GLCCI1: variants seen among roughly 807,000 people sequenced by gnomAD.
GLCCI1 encodes the protein glucocorticoid-induced transcript 1 protein.
In GLCCI1, 24 loss-of-function variants were observed where a neutral mutation model predicts 52.2. That is an observed-to-expected ratio of 0.46 (90% confidence interval 0.33 to 0.65). The LOEUF is 0.65. Among genes scored for constraint, GLCCI1 ranks in the 30% least tolerant of loss-of-function variants. The pLI, the probability that GLCCI1 is intolerant of heterozygous loss-of-function variation, is 0.02. For missense variants in GLCCI1, 704 were observed against 701.5 expected, an observed-to-expected ratio of 1.00 and a Z score of -0.04; for synonymous variants, 310 against 276.5, an observed-to-expected ratio of 1.12 and a Z score of -1.20.
At chr7:8,047,923 T>G (rs2127956754) in intron 3 of GLCCI1, among the ~76,000 whole-genome samples, 1 of 152,302 alleles carries the variant, frequency 6.6e-6, no homozygotes, top group East Asian at 1.9e-4. Flanking sequence ...TACAGCTACT[T>G]CCCTTCTCCC....
At chr7:8,082,893 G>GTGAT (rs1233400709) in intron 6 of GLCCI1, among the ~76,000 whole-genome samples, 1 of 152,204 alleles carries the variant, frequency 6.6e-6, no homozygotes, top group African/African-American at 2.4e-5. Flanking sequence ...CTGAAAGAAT[G>GTGAT]TGATAGGCCT....
intron 1 of GLCCI1, among the ~76,000 whole-genome samples, chr7:7,972,750 A>T (rs1435440644): frequency 6.6e-6 from 1 of 152,104 alleles, no homozygotes; most frequent in Non-Finnish European, 1.5e-5. Flanking sequence ...GGAATAGTCA[A>T]TTTTAATATT....
chr7:7,991,324 C>A (rs1013544664), intron 1 of GLCCI1, among the ~76,000 whole-genome samples: 2 of 152,020 alleles, frequency 1.3e-5, no homozygotes, highest in Non-Finnish European at 2.9e-5. Flanking sequence ...ATGAGAAGGG[C>A]TATTCACTTG....
chr7:8,014,878 T>TTA (rs1781344793), intron 2 of GLCCI1, among the ~76,000 whole-genome samples: 1 of 152,202 alleles, frequency 6.6e-6, no homozygotes, highest in Admixed American at 6.5e-5. Flanking sequence ...GATGGTATTA[T>TTA]TATATTTGGT....
At chr7:8,072,258 C>A (rs1782779070) in intron 6 of GLCCI1, among the ~76,000 whole-genome samples, 1 of 152,162 alleles carries the variant, frequency 6.6e-6, no homozygotes, top group East Asian at 1.9e-4. Context: ...TGTCTGACTT[C>A]TTTTACTTAT....
At chr7:8,081,504 A>T (rs976770410) in intron 6 of GLCCI1, among the ~76,000 whole-genome samples, 1 of 152,200 alleles carries the variant, frequency 6.6e-6, no homozygotes, top group Non-Finnish European at 1.5e-5. Context: ...TATTTTTGAG[A>T]CAGGGTCTCA....
At chr7:8,041,551 C>T (rs1462876729) in intron 3 of GLCCI1, among the ~76,000 whole-genome samples, 1 of 152,180 alleles carries the variant, frequency 6.6e-6, no homozygotes, top group East Asian at 1.9e-4. Flanking sequence ...TGATGCCTGG[C>T]TTCAAAGCTT....
rs142051692 is a variant in GLCCI1, at chr7:8,059,347, A to G, written c.814-749A>G. On this transcript the variant is annotated intron_variant, in intron 4 of 7. Transcript: ENST00000223145. ...TGTGCTAACCAATGATTAGCAGTCT[A>G]CCTTATCACAGATCATGTATGTCAA... Among the ~76,000 whole-genome samples, 54 of 152,354 alleles carry G rather than the reference A, an allele frequency of 3.5e-4. 1 individual carries two copies. The East Asian group carries it at 0.01, about 28-fold the overall frequency.
chr7:7,988,054 G>A lies in GLCCI1; in HGVS notation c.458-15854G>A, dbSNP rs538358526. On this transcript the variant is annotated intron_variant, in intron 1 of 7. Transcript: ENST00000223145. ...GAGTGACGGACATAATGCTTTTTGG[G>A]GAGAGTAAGTAGTAGTCTTTCAGTA... Among the ~76,000 whole-genome samples the A allele has an allele frequency of 2.6e-5, 4 of 152,204 alleles. No homozygotes were observed. The South Asian group carries it at 8.3e-4, about 32-fold the overall frequency.
intron 4 of GLCCI1, among the ~76,000 whole-genome samples, chr7:8,059,639 G>C (rs1283567097): frequency 6.6e-6 from 1 of 152,152 alleles, no homozygotes; most frequent in Non-Finnish European, 1.5e-5. Context: ...TTCTGAAATA[G>C]TTGACAAGAT....
In GLCCI1 at chr7:8,085,058, G is replaced by A. The variant is rs763859007; in HGVS notation, c.1298+41G>A. ...TTTGTCAGCTGGGATCTGCAAAGCT[G>A]TAAAGCTTTTTACTGAGACCAGTTG... On this transcript the variant is annotated intron_variant, in intron 7 of 7. Coordinates refer to ENST00000223145, the MANE Select transcript of GLCCI1 (RefSeq NM_138426.4). The A allele has an allele frequency of 5.0e-6, 8 of 1,609,286 alleles. 1 individual carries two copies. The highest frequency in any genetic ancestry group is 2.2e-5 in the East Asian group (1 of 44,808).
chr7:8,053,321 T>TG (rs1782304690), intron 3 of GLCCI1, among the ~76,000 whole-genome samples: 1 of 99,868 alleles, frequency 1.0e-5, no homozygotes, highest in African/African-American at 4.7e-5. Context: ...TTTCGTTTTT[T>TG]TTTTTGTTTG....
intron 2 of GLCCI1, among the ~76,000 whole-genome samples, chr7:8,006,531 A>T (rs577865774): frequency 6.6e-6 from 1 of 152,348 alleles, no homozygotes; most frequent in African/African-American, 2.4e-5. Context: ...TACTATATAC[A>T]CATTTAAGTT....
chr7:8,021,302 G>C (rs556159968), intron 2 of GLCCI1, among the ~76,000 whole-genome samples: 1 of 152,238 alleles, frequency 6.6e-6, no homozygotes, highest in African/African-American at 2.4e-5. Context: ...TTTTAAAGCT[G>C]TATATAGTTA....
rs1014003185 is a variant in GLCCI1, at chr7:8,022,390, T to A, written c.610-93T>A. On this transcript the variant is annotated intron_variant, in intron 2 of 7. Transcript: ENST00000223145. ...GATTTTAGTATAGCTCTCTAACTGG[T>A]AAGTGCTAAGAATTTTAAATATGTT... 6 of 589,862 alleles carry A rather than the reference T, an allele frequency of 1.0e-5. No individual in the cohort carries two copies. The African/African-American group carries it at 1.2e-4, about 12-fold the overall frequency. 36.5% of individuals were successfully genotyped at this position (589,862 alleles called of 1,614,324 possible).
intron 3 of GLCCI1, among the ~76,000 whole-genome samples, chr7:8,035,252 A>C (rs1007815603): frequency 6.6e-6 from 1 of 152,176 alleles, no homozygotes; most frequent in Middle Eastern, 3.2e-3. Context: ...CACTTGGCTG[A>C]GAGTGACTGC....
At chr7:8,071,642 G>T (rs1782764526) in intron 6 of GLCCI1, among the ~76,000 whole-genome samples, 1 of 152,156 alleles carries the variant, frequency 6.6e-6, no homozygotes, top group Admixed American at 6.6e-5. Flanking sequence ...TAACTGTTGA[G>T]AACATCTGGG....
intron 5 of GLCCI1, among the ~76,000 whole-genome samples, chr7:8,061,079 C>G (rs1348702241): frequency 4.6e-5 from 7 of 151,204 alleles, no homozygotes; most frequent in African/African-American, 1.7e-4. Flanking sequence ...AGATGTTAAG[C>G]ATCTTTTCAT....
chr7:8,004,845 C>CT (rs1223967170), intron 2 of GLCCI1, among the ~76,000 whole-genome samples: 1 of 152,050 alleles, frequency 6.6e-6, no homozygotes. Context: ...ACATTTTGGG[C>CT]TTTGTAGGTT....
Sources: gnomAD v4.1 joint callset for allele counts (sites outside exome capture counted in the v4.1 genomes callset) on GRCh38, gnomAD v4.1.1 for gene constraint, MANE v1.5 for transcripts, NCBI Gene and HGNC (gene_info 2026-07-23, HGNC 2026-07-21) for gene names.